The following MED13 variants were observed in gnomAD, a reference collection of about 807,000 sequenced individuals.
The protein encoded by MED13 is mediator complex subunit 13.
A neutral mutation model predicts 225.2 loss-of-function variants in MED13; 23 were observed. That is an observed-to-expected ratio of 0.10 (90% CI 0.07 to 0.14). MED13 has a LOEUF of 0.14. Among genes scored for constraint, MED13 ranks in the 10% least tolerant of loss-of-function variants. The pLI is 1.00. For missense variants in MED13, 2,197 were observed against 2,594.5 expected, an observed-to-expected ratio of 0.85 and a Z score of 3.33; for synonymous variants, 942 against 889.2, an observed-to-expected ratio of 1.06 and a Z score of -1.06.
At chr17:62,058,552 A>G (rs555530948) in intron 2 of MED13, among the ~76,000 whole-genome samples, 80 of 151,754 alleles carry the variant, frequency 5.3e-4, no homozygotes, top group African/African-American at 1.9e-3. Context: ...AGAAAGAAAG[A>G]AAGAAAAAAG....
intron 24 of MED13, among the ~76,000 whole-genome samples, 158 bp downstream of exon 24, chr17:61,956,181 T>C (rs2079942331): frequency 6.6e-6 from 1 of 152,234 alleles, no homozygotes; most frequent in Non-Finnish European, 1.5e-5. Flanking sequence ...AAAATGTCTT[T>C]TTAAAATTTG....
chr17:62,062,722 C>A (rs1399722154), intron 2 of MED13, among the ~76,000 whole-genome samples: 1 of 152,096 alleles, frequency 6.6e-6, no homozygotes, highest in African/African-American at 2.4e-5. Context: ...AAAGTTACAT[C>A]TGGCTTCTAA....
intron 11 of MED13, among the ~76,000 whole-genome samples, chr17:61,988,896 C>T (rs991400226): frequency 6.6e-6 from 1 of 152,006 alleles, no homozygotes; most frequent in Non-Finnish European, 1.5e-5. Context: ...CCACAATTTA[C>T]AATAGATCTC....
chr17:61,970,057 G>C (rs1332247768), intron 17 of MED13, among the ~76,000 whole-genome samples: 1 of 152,034 alleles, frequency 6.6e-6, no homozygotes, highest in Non-Finnish European at 1.5e-5. Flanking sequence ...ATTAATAATA[G>C]CAAACAATGA....
At chr17:62,051,415 G>T (rs1262387726) in intron 3 of MED13, among the ~76,000 whole-genome samples, 1 of 152,040 alleles carries the variant, frequency 6.6e-6, no homozygotes, top group Non-Finnish European at 1.5e-5. Context: ...CTAAACTATC[G>T]ACCTCCATAC....
In MED13 at chr17:61,995,006, C is replaced by T. The variant is rs144630774; in HGVS notation, c.2181+146G>A. ...TATTACAGGCATGAGCCACCGCAGCCGGGCAAAAATAAGTTTTTCTAAATA... is the reference window on the plus strand; with the variant it reads ...TATTACAGGCATGAGCCACCGCAGCTGGGCAAAAATAAGTTTTTCTAAATA... On this transcript the variant is annotated intron_variant, in intron 10 of 29. Transcript: ENST00000397786. 8.5e-5 allele frequency: 56 copies of T among 657,758 alleles called. No individual in the cohort carries two copies. In the East Asian group the frequency reaches 8.7e-4, roughly 10 times the overall value. The allele number at this position is 657,758 out of a possible 1,614,324, so 40.7% of individuals were successfully genotyped here.
At chr17:61,964,094 T>C (rs1284953733) in intron 20 of MED13, among the ~76,000 whole-genome samples, 2 of 152,198 alleles carry the variant, frequency 1.3e-5, no homozygotes, top group African/African-American at 4.8e-5. Flanking sequence ...GGGTCAATAG[T>C]GACTTCTCAA....
intron 11 of MED13, among the ~76,000 whole-genome samples, chr17:61,987,894 C>T (rs983922864): frequency 2.0e-5 from 3 of 151,996 alleles, no homozygotes; most frequent in African/African-American, 7.3e-5. Flanking sequence ...AGGCACGTGA[C>T]CCTATGCCCA....
At position 61,985,051 on chromosome 17, in the gene MED13, C is replaced by G. The variant is rs2080236181; in HGVS notation, c.2425G>C (p.Ala809Pro). The G allele has an allele frequency of 6.2e-6, 10 of 1,613,672 alleles. No individual in the cohort carries two copies. In the South Asian group the frequency reaches 9.9e-5, roughly 16 times the overall value. Residue 809 changes from alanine to proline, a missense_variant, in exon 13 of 30, where the codon GCC becomes CCC. By Grantham distance (27) the Ala-to-Pro change is conservative. This residue lies in a region of MED13 where 41 missense variants were observed against 55.8 expected (regional missense o/e 0.73). Transcript: ENST00000397786. ...KKSANGSDDKASCKESKTGNL... is the reference protein window; with the variant it reads ...KKSANGSDDKPSCKESKTGNL... ...CCTGTCTTTGATTCCTTGCAGCTGG[C>G]TTTATCATCTGATCCATTTGCTGAT...
intron 28 of MED13, among the ~76,000 whole-genome samples, chr17:61,948,155 C>T (rs2079866123): frequency 6.6e-6 from 1 of 151,008 alleles, no homozygotes. Flanking sequence ...TATTTCCAAG[C>T]AAAGAGAAAC....
chr17:61,993,218 T>G (rs1486948959), intron 10 of MED13, among the ~76,000 whole-genome samples: 3 of 146,820 alleles, frequency 2.0e-5, no homozygotes, highest in African/African-American at 7.7e-5. Flanking sequence ...TTTTTTTTTT[T>G]TGAGACAGAG....
At chr17:62,045,714 T>C (rs577344701) in intron 3 of MED13, among the ~76,000 whole-genome samples, 83 of 152,296 alleles carry the variant, frequency 5.4e-4, no homozygotes, top group African/African-American at 1.9e-3. Context: ...CCCAGCAATG[T>C]AGGAAAACAC....
intron 8 of MED13, among the ~76,000 whole-genome samples, chr17:62,017,306 G>C (rs953243324): frequency 6.8e-6 from 1 of 146,776 alleles, no homozygotes; most frequent in African/African-American, 2.5e-5. Flanking sequence ...AAAGAGCGTA[G>C]ACTCTAACTT....
At position 61,982,797 on chromosome 17, in the gene MED13, T is replaced by C; in HGVS notation, c.3206A>G (p.His1069Arg). The C allele has an allele frequency of 6.2e-7, 1 of 1,614,228 alleles. No individual in the cohort carries two copies. The highest frequency in any genetic ancestry group is 8.5e-7 in the Non-Finnish European group (1 of 1,180,038). Residue 1069 changes from histidine (H) to arginine (R), a missense_variant, in exon 16 of 30, where the codon CAC becomes CGC. This residue lies in a region of MED13 where 99 missense variants were observed against 158.5 expected (regional missense o/e 0.62). Coordinates refer to ENST00000397786, the MANE Select transcript of MED13 (RefSeq NM_005121.3). ...PATVPSIPEAHSLYVNLILSE... is the reference protein window; with the variant it reads ...PATVPSIPEARSLYVNLILSE... ...AAGGATGAGGTTTACATAAAGACTG[T>C]GTGCTTCAGGGATGGAAGGGACAGT...
rs1292879240 is a variant in MED13, at chr17:62,031,510, T to C, written c.943A>G (p.Thr315Ala). Residue 315 changes from threonine (T) to alanine (A), a missense_variant, in exon 6 of 30, where the codon ACA becomes GCA. Around this residue, in one of 12 missense-constraint regions of MED13, gnomAD observed 884 missense variants for 918.5 expected, o/e 0.96. Transcript: ENST00000397786. ...CLGVHQVPAS[T>A]RDPAMSSVTL... ...ACCGAAGACATAGCAGGATCTCTTG[T>C]GGAAGCAGGCACTTGGTGGACACCC... 6.2e-7 allele frequency: 1 copy of C among 1,613,850 alleles called. No individual in the cohort carries two copies. Among genetic ancestry groups the C allele is most frequent in the Non-Finnish European group, 8.5e-7 (1 of 1,179,958 alleles).
Position 61,986,960 on chromosome 17 carries a change from A to G in MED13, c.2385+47T>C, listed in dbSNP as rs745583252. On this transcript the variant is annotated intron_variant, in intron 12 of 29. Transcript: ENST00000397786. Reference sequence around the variant, plus strand: ...CTTCTAAAAAATAAAAAAATAATAAAATCAAGGAAAACAAATTATAATCCT... The same window carrying G: ...CTTCTAAAAAATAAAAAAATAATAAGATCAAGGAAAACAAATTATAATCCT... 7.5e-6 allele frequency: 10 copies of G among 1,326,228 alleles called. No homozygotes were observed. The Admixed American group carries it at 1.7e-4, about 22-fold the overall frequency. 82.2% of individuals were successfully genotyped at this position (1,326,228 alleles called of 1,614,324 possible).
intron 9 of MED13, among the ~76,000 whole-genome samples, chr17:62,000,748 C>T (rs1231433570): frequency 1.3e-5 from 2 of 151,974 alleles, no homozygotes; most frequent in African/African-American, 2.4e-5. Context: ...TAAGGTGTAT[C>T]AATAGTTTTG....
intron 8 of MED13, among the ~76,000 whole-genome samples, chr17:62,028,004 C>G (rs973796609): frequency 3.3e-5 from 5 of 151,962 alleles, no homozygotes; most frequent in Admixed American, 3.3e-4. Flanking sequence ...AGTGGTGATT[C>G]CTCAAAGAGC....
At chr17:61,973,637 C>T (rs974111176) in intron 16 of MED13, among the ~76,000 whole-genome samples, 2 of 152,096 alleles carry the variant, frequency 1.3e-5, no homozygotes, top group African/African-American at 2.4e-5. Flanking sequence ...AATTTTAATT[C>T]GTTATTACCT....
Sources: gnomAD v4.1 joint callset for allele counts (sites outside exome capture counted in the v4.1 genomes callset) on GRCh38, gnomAD v4.1.1 for gene constraint, gnomAD v4.1.1 regional missense constraint, MANE v1.5 for transcripts, NCBI Gene and HGNC (gene_info 2026-07-23, HGNC 2026-07-21) for gene names.